Variants in PRKAR1B observed in about 807,000 individuals in gnomAD.
PRKAR1B encodes the protein protein kinase cAMP-dependent type I regulatory subunit beta, also known as cAMP-dependent protein kinase type I-beta regulatory subunit.
PRKAR1B carries 22 observed loss-of-function variants against 46.5 expected under a neutral mutation model. That is an observed-to-expected ratio of 0.47 (90% confidence interval 0.34 to 0.68). The LOEUF is 0.68. Among genes scored for constraint, PRKAR1B ranks in the 30% least tolerant of loss-of-function variants. The probability of loss-of-function intolerance (pLI) is 0.01; values close to 1 mark genes in which losing one functional copy is unlikely to be tolerated. For missense variants in PRKAR1B, 445 were observed against 535.6 expected, an observed-to-expected ratio of 0.83 and a Z score of 1.67; for synonymous variants, 259 against 217.7, an observed-to-expected ratio of 1.19 and a Z score of -1.67.
chr7:550,193 T>C lies in PRKAR1B; in HGVS notation c.*237A>G. On this transcript the variant is annotated 3_prime_UTR_variant, in exon 11 of 11. Coordinates refer to ENST00000537384, the MANE Select transcript of PRKAR1B (RefSeq NM_001164760.2). ...CCGGGGAGGCGTGTGGGGAGGAAGC[T>C]GGCCTGTCCCTTCCTTGATCTTGGG... 3 of 527,336 alleles carry C rather than the reference T, an allele frequency of 5.7e-6. No homozygotes were observed. The highest frequency in any genetic ancestry group is 3.4e-6 in the Non-Finnish European group (1 of 293,820). 32.7% of individuals were successfully genotyped at this position (527,336 alleles called of 1,614,324 possible).
chr7:636,464 T>C (rs1234753426), intron 4 of PRKAR1B, among the ~76,000 whole-genome samples: 5 of 149,850 alleles, frequency 3.3e-5, no homozygotes, highest in South Asian at 2.1e-4. Flanking sequence ...CACCGGACTG[T>C]GCCCACTGTG....
At position 584,503 on chromosome 7, in the gene PRKAR1B, C is replaced by T. The variant is rs769540486; in HGVS notation, c.769+5G>A. 1 of 1,613,724 alleles carries T rather than the reference C, an allele frequency of 6.2e-7. No homozygotes were observed. Among genetic ancestry groups the T allele is most frequent in the Admixed American group, 1.7e-5 (1 of 60,018 alleles). Reference sequence around the variant, plus strand: ...ACACAGCCGTGCAGGGGCGCAGCCACTGACCTAGGATGGAGACCTTGCTGA... The same window carrying T: ...ACACAGCCGTGCAGGGGCGCAGCCATTGACCTAGGATGGAGACCTTGCTGA... On this transcript the variant is annotated splice_donor_5th_base_variant and intron_variant, in intron 8 of 10. Coordinates refer to ENST00000537384, the MANE Select transcript of PRKAR1B (RefSeq NM_001164760.2).
intron 4 of PRKAR1B, among the ~76,000 whole-genome samples, chr7:619,684 CT>C (rs1783009935): frequency 6.6e-6 from 1 of 152,276 alleles, no homozygotes; most frequent in African/African-American, 2.4e-5. Flanking sequence ...TCTGCCGTCC[CT>C]TCCTGCAGGG....
chr7:711,315 C>T lies in PRKAR1B; in HGVS notation c.177+14G>A, dbSNP rs74497715. 1.9e-6 allele frequency: 3 copies of T among 1,613,504 alleles called. No individual in the cohort carries two copies. The highest frequency in any genetic ancestry group is 2.5e-6 in the Non-Finnish European group (3 of 1,179,618). The stretch of plus-strand genomic sequence containing the variant: ...ACGTGCGAAGGGAAGCAGCGGGCGG[C>T]GGGGGCCACTCACCTTCTCCAGCTT... On this transcript the variant is annotated intron_variant, in intron 2 of 10. Coordinates refer to ENST00000537384, the MANE Select transcript of PRKAR1B (RefSeq NM_001164760.2).
intron 9 of PRKAR1B, among the ~76,000 whole-genome samples, chr7:563,445 G>GC (rs988247996): frequency 7.0e-4 from 106 of 152,378 alleles, no homozygotes; most frequent in African/African-American, 2.3e-3. Context: ...GCGTCCAACA[G>GC]CCCCCCGGCT....
chr7:713,889 A>G (rs547487399), intron 1 of PRKAR1B, among the ~76,000 whole-genome samples: 60 of 152,306 alleles, frequency 3.9e-4, no homozygotes, highest in African/African-American at 1.4e-3. Flanking sequence ...CCTCACCCTC[A>G]GCACCCACTG....
intron 4 of PRKAR1B, among the ~76,000 whole-genome samples, chr7:649,951 T>G (rs974481809): frequency 6.6e-6 from 1 of 151,432 alleles, no homozygotes; most frequent in Non-Finnish European, 1.5e-5. Flanking sequence ...GCCTCCTGAG[T>G]AGCTGCATGA....
intron 9 of PRKAR1B, among the ~76,000 whole-genome samples, chr7:568,781 C>T (rs576769976): frequency 3.9e-5 from 6 of 152,296 alleles, no homozygotes; most frequent in South Asian, 4.1e-4. Flanking sequence ...TAAGTCTCCT[C>T]GCTTTGCTGC....
intron 5 of PRKAR1B, among the ~76,000 whole-genome samples, chr7:606,895 TA>T (rs1408606428): frequency 2.6e-5 from 4 of 152,128 alleles, no homozygotes; most frequent in African/African-American, 9.7e-5. Context: ...CATATGTATA[TA>T]TGTGTACATA....
At chr7:554,459 G>A (rs1009021217) in intron 9 of PRKAR1B, among the ~76,000 whole-genome samples, 6 of 152,270 alleles carry the variant, frequency 3.9e-5, no homozygotes, top group Admixed American at 3.9e-4. Context: ...GAACCTGACG[G>A]CCTCTGGTTC....
At chr7:712,913 G>A (rs1246019370) in intron 1 of PRKAR1B, 1 of 152,478 alleles carries the variant, frequency 6.6e-6, no homozygotes, top group East Asian at 1.9e-4. Context: ...CCGTTCCCTG[G>A]GGTCTCACTC....
intron 2 of PRKAR1B, among the ~76,000 whole-genome samples, chr7:701,094 A>G (rs1780033542): frequency 1.3e-5 from 2 of 152,054 alleles, no homozygotes; most frequent in African/African-American, 4.8e-5. Context: ...AGGCTGAGGC[A>G]GGAGAATCTC....
chr7:611,828 C>T lies in PRKAR1B; in HGVS notation c.441-4376G>A, dbSNP rs140407899. ...CGGGTGGATTGAACAGGTGGGTGAG[C>T]GGATGGATGGATGGACAAATGGGTG... is the stretch of plus-strand genomic sequence containing the variant. On this transcript the variant is annotated intron_variant, in intron 4 of 10. Transcript: ENST00000537384. Among the ~76,000 whole-genome samples the T allele has an allele frequency of 1.6e-3, 218 of 134,010 alleles. 2 individuals are homozygous for T. The highest frequency in any genetic ancestry group is 5.8e-3 in the African/African-American group (196 of 33,826). 87.9% of individuals were successfully genotyped at this position (134,010 alleles called of 152,430 possible).
chr7:726,603 C>A (rs575442162), intron 1 of PRKAR1B: 2 of 801,372 alleles, frequency 2.5e-6, no homozygotes, highest in Non-Finnish European at 3.3e-6. Flanking sequence ...CACGTGCGCA[C>A]CGGCGGGGAG....
At chr7:568,941 G>C (rs973901827) in intron 9 of PRKAR1B, among the ~76,000 whole-genome samples, 1 of 151,962 alleles carries the variant, frequency 6.6e-6, no homozygotes, top group East Asian at 1.9e-4. Context: ...GGGGCCCGCG[G>C]GGGGTGGTTC....
intron 2 of PRKAR1B, among the ~76,000 whole-genome samples, chr7:701,290 GAAAGAAAGAA>G (rs1264241706): frequency 1.5e-5 from 2 of 136,412 alleles, no homozygotes; most frequent in African/African-American, 3.3e-5. Flanking sequence ...GAAAGAGAAA[GAAAGAAAGAA>G]AAAGAAAGAA....
intron 7 of PRKAR1B, among the ~76,000 whole-genome samples, chr7:585,160 A>G (rs578125102): frequency 1.3e-5 from 2 of 152,320 alleles, no homozygotes; most frequent in South Asian, 4.2e-4. Flanking sequence ...TTCATTCTAG[A>G]AACTAGGATT....
At chr7:652,309 A>G (rs1455657346) in intron 4 of PRKAR1B, among the ~76,000 whole-genome samples, 1 of 149,146 alleles carries the variant, frequency 6.7e-6, no homozygotes, top group Non-Finnish European at 1.5e-5. Context: ...CAGCGCTAGG[A>G]ACCTGGGGAA....
intron 1 of PRKAR1B, 59 bp from the exon 2 acceptor site, chr7:711,586 T>C: frequency 1.4e-6 from 2 of 1,464,696 alleles, no homozygotes; most frequent in African/African-American, 1.4e-5. Context: ...GCGCGCCGGA[T>C]AAACGCAGGC....
Sources: allele counts gnomAD v4.1 joint callset (sites outside exome capture counted in the v4.1 genomes callset), GRCh38; gene constraint gnomAD v4.1.1; transcripts MANE v1.5; gene names NCBI Gene and HGNC (gene_info 2026-07-23, HGNC 2026-07-21).